SAMD4A: variants seen among roughly 807,000 people sequenced by gnomAD.
SAMD4A encodes sterile alpha motif domain containing 4A, also known as protein Smaug homolog 1.
A neutral mutation model predicts 81.3 loss-of-function variants in SAMD4A; 33 were observed. The observed-to-expected ratio is 0.41, with a 90% CI of 0.31 to 0.54. The LOEUF (loss-of-function observed/expected upper bound fraction) is 0.54. SAMD4A is among the 20% of genes least tolerant of loss of function. The pLI is 0.37. For synonymous variants in SAMD4A, 389 were observed against 382.1 expected (o/e 1.02, Z -0.21); for missense variants, 854 against 951.1 (o/e 0.90, Z 1.34).
chr14:54,607,457 A>AT (rs541264095), intron 2 of SAMD4A, among the ~76,000 whole-genome samples: 26,375 of 138,446 alleles, frequency 0.19, 2,822 homozygotes, highest in East Asian at 0.53. Context: ...TCAAGGTCTC[A>AT]TTTTTTTTTT....
intron 2 of SAMD4A, among the ~76,000 whole-genome samples, chr14:54,602,358 AC>A: frequency 7.8e-6 from 1 of 128,730 alleles, no homozygotes; most frequent in Middle Eastern, 3.8e-3. Flanking sequence ...ACACACACAC[AC>A]ACACACACAC....
intron 2 of SAMD4A, among the ~76,000 whole-genome samples, chr14:54,613,200 A>G (rs1355956752): frequency 2.6e-5 from 4 of 151,856 alleles, no homozygotes; most frequent in Non-Finnish European, 5.9e-5. Context: ...AAGGAAAGGG[A>G]AGGAAAGGAA....
intron 2 of SAMD4A, among the ~76,000 whole-genome samples, chr14:54,698,962 G>C (rs2036642756): frequency 6.6e-6 from 1 of 151,848 alleles, no homozygotes; most frequent in Non-Finnish European, 1.5e-5. Context: ...TTTTGTGGAA[G>C]GGTAGAATGT....
intron 8 of SAMD4A, among the ~76,000 whole-genome samples, chr14:54,767,687 C>G (rs746440503): frequency 5.9e-5 from 9 of 152,212 alleles, no homozygotes; most frequent in Non-Finnish European, 1.3e-4. Flanking sequence ...CCCCTCCAGG[C>G]CCCTTGGGAA....
intron 2 of SAMD4A, among the ~76,000 whole-genome samples, chr14:54,608,779 C>T (rs148807519): frequency 2.6e-5 from 4 of 152,208 alleles, no homozygotes; most frequent in African/African-American, 7.2e-5. Flanking sequence ...TAAAAAGAAT[C>T]GTAGATATAG....
chr14:54,753,389 C>T (rs528128628), intron 6 of SAMD4A, among the ~76,000 whole-genome samples: 2 of 152,354 alleles, frequency 1.3e-5, no homozygotes, highest in South Asian at 2.1e-4. Context: ...TAACAAGGCA[C>T]GTCCTGCACA....
intron 2 of SAMD4A, among the ~76,000 whole-genome samples, chr14:54,589,193 C>T (rs1251387690): frequency 1.3e-5 from 2 of 152,096 alleles, no homozygotes; most frequent in African/African-American, 2.4e-5. Context: ...AATGGATAAA[C>T]GATTCATTGT....
intron 2 of SAMD4A, among the ~76,000 whole-genome samples, chr14:54,606,440 TG>T (rs2034208417): frequency 4.6e-5 from 7 of 152,156 alleles, no homozygotes; most frequent in Admixed American, 4.6e-4. Context: ...ACGTCCTTTG[TG>T]GGAGGCAGAG....
chr14:54,782,569 G>A (rs1173521535), intron 11 of SAMD4A, among the ~76,000 whole-genome samples: 1 of 152,144 alleles, frequency 6.6e-6, no homozygotes, highest in Non-Finnish European at 1.5e-5. Flanking sequence ...CCACTTCCCT[G>A]GAAGCTCAGT....
At chr14:54,704,984 C>T (rs1173812372) in intron 3 of SAMD4A, among the ~76,000 whole-genome samples, 1 of 152,182 alleles carries the variant, frequency 6.6e-6, no homozygotes, top group Non-Finnish European at 1.5e-5. Context: ...GCATCAACGC[C>T]TCCTAGGTCC....
chr14:54,723,407 C>T (rs962408814), intron 3 of SAMD4A, among the ~76,000 whole-genome samples: 2 of 152,166 alleles, frequency 1.3e-5, no homozygotes, highest in Non-Finnish European at 2.9e-5. Context: ...GACAGGGAAA[C>T]AATATGTTTA....
At chr14:54,774,636 G>A (rs1462050558) in intron 9 of SAMD4A, among the ~76,000 whole-genome samples, 1 of 141,006 alleles carries the variant, frequency 7.1e-6, no homozygotes, top group African/African-American at 2.6e-5. Flanking sequence ...GCGACATAGT[G>A]AGACTCCATC....
chr14:54,690,212 G>T (rs1193864216), intron 2 of SAMD4A, among the ~76,000 whole-genome samples: 1 of 152,076 alleles, frequency 6.6e-6, no homozygotes, highest in Non-Finnish European at 1.5e-5. Context: ...GTAGAGAAAA[G>T]GCAATGAGGG....
In SAMD4A at chr14:54,685,889, G is replaced by T. The variant is rs769446933; in HGVS notation, c.197-16173G>T. 28 of 456,342 alleles carry T rather than the reference G, an allele frequency of 6.1e-5. No homozygotes were observed. The East Asian group carries it at 6.9e-4, about 11-fold the overall frequency. The allele number at this position is 456,342 out of a possible 1,614,324, so 28.3% of individuals were successfully genotyped here. A position where few individuals can be genotyped will look rare whatever the true frequency, so the allele number is the denominator to read the frequency against. On this transcript the variant is annotated intron_variant, in intron 2 of 12. Transcript: ENST00000554335. ...AGCTTCAGTTTCCTGAGGAAGAAAA[G>T]AGGGAATTGGGATGTTAAATTATCT... is the stretch of plus-strand genomic sequence containing the variant.
rs78426294 is a variant in SAMD4A, at chr14:54,744,010, C to A, written c.980-4805C>A. On this transcript the variant is annotated intron_variant, in intron 4 of 12. Transcript: ENST00000554335. Reference sequence around the variant, plus strand: ...ACCCCTCAGTTGGCTTTCCTCTTCTCCCCCTCAGAGATCAAGGGTGCAGTC... The same window carrying A: ...ACCCCTCAGTTGGCTTTCCTCTTCTACCCCTCAGAGATCAAGGGTGCAGTC... Among the ~76,000 whole-genome samples, 739 of 152,310 alleles carry A rather than the reference C, an allele frequency of 4.9e-3. 2 individuals carry two copies. Among genetic ancestry groups the A allele is most frequent in the South Asian group, 0.01 (49 of 4,822 alleles).
At chr14:54,610,900 T>C (rs1186289412) in intron 2 of SAMD4A, among the ~76,000 whole-genome samples, 3 of 152,206 alleles carry the variant, frequency 2.0e-5, no homozygotes, top group Non-Finnish European at 4.4e-5. Flanking sequence ...CCCAAATCTG[T>C]AGAATTAAAA....
intron 6 of SAMD4A, chr14:54,754,710 C>T (rs1280508965): frequency 2.7e-6 from 1 of 364,648 alleles, no homozygotes; most frequent in Non-Finnish European, 3.9e-6. Context: ...AGTCATCTGC[C>T]CTTGCCTGCC....
chr14:54,603,389 A>G (rs2034112644), intron 2 of SAMD4A, among the ~76,000 whole-genome samples: 1 of 152,338 alleles, frequency 6.6e-6, no homozygotes, highest in East Asian at 1.9e-4. Flanking sequence ...AGTTTTATGA[A>G]TATGGATTTT....
intron 2 of SAMD4A, among the ~76,000 whole-genome samples, chr14:54,691,319 C>G (rs1300901530): frequency 6.6e-6 from 1 of 152,106 alleles, no homozygotes; most frequent in East Asian, 1.9e-4. Flanking sequence ...AGCATCCCCA[C>G]CAATGTGGCC....
Sources: allele counts gnomAD v4.1 joint callset (sites outside exome capture counted in the v4.1 genomes callset), GRCh38; gene constraint gnomAD v4.1.1; transcripts MANE v1.5; gene names NCBI Gene and HGNC (gene_info 2026-07-23, HGNC 2026-07-21).